Variants in MRPS23 observed in about 807,000 individuals in gnomAD.
MRPS23 encodes mitochondrial ribosomal protein S23.
A neutral mutation model predicts 19.8 loss-of-function variants in MRPS23; 14 were observed. The ratio of observed to expected loss-of-function variants is 0.71; its 90% CI spans 0.47 to 1.11. The LOEUF is 1.11. MRPS23 is among the 50% of genes least tolerant of loss of function. The pLI is 0.00. For synonymous variants in MRPS23, 113 were observed against 89.7 expected (o/e 1.26, Z -1.47); for missense variants, 242 against 236.7 (o/e 1.02, Z -0.15).
intron 1 of MRPS23, 39 bp downstream of exon 1, chr17:57,849,928 G>A: frequency 6.4e-7 from 1 of 1,574,024 alleles, no homozygotes; most frequent in Non-Finnish European, 8.6e-7. Context: ...CCCAGCCTGG[G>A]GGAGGCACCC....
At chr17:57,845,182 G>A (rs2073764811) in intron 2 of MRPS23, among the ~76,000 whole-genome samples, 1 of 152,212 alleles carries the variant, frequency 6.6e-6, no homozygotes, top group South Asian at 2.1e-4. Flanking sequence ...ACATGTGAGA[G>A]CAAAGCACAA....
Position 57,849,208 on chromosome 17 carries a change from G to A in MRPS23, c.215+32C>T, listed in dbSNP as rs372380721. On this transcript the variant is annotated intron_variant, in intron 2 of 4. Coordinates refer to ENST00000313608, the MANE Select transcript of MRPS23 (RefSeq NM_016070.4). ...AAACCTTCCCTTCTGAAGTTCTGTT[G>A]CCTCCTGTCCACTACAGGGCTGAGC... 1.9e-6 allele frequency: 3 copies of A among 1,595,360 alleles called. No homozygotes were observed. In the African/African-American group the frequency reaches 4.0e-5, roughly 22 times the overall value.
At chr17:57,840,004 A>G in intron 4 of MRPS23, 69 bp from the exon 5 acceptor site, 4 of 1,565,484 alleles carry the variant, frequency 2.6e-6, no homozygotes, top group Non-Finnish European at 3.5e-6. Context: ...CTAAAGATAT[A>G]TAACTAGGCA....
Position 57,850,030 on chromosome 17 carries a change from G to A in MRPS23, c.-20C>T. 1 of 1,587,442 alleles carries A rather than the reference G, an allele frequency of 6.3e-7. No homozygotes were observed. Among genetic ancestry groups the A allele is most frequent in the Non-Finnish European group, 8.5e-7 (1 of 1,171,838 alleles). Reference sequence around the variant, plus strand: ...TGCCATGATCTGCGCCTGGTACCGAGCGTGACTAGCTGCTACCGGAACCGG... The same window carrying A: ...TGCCATGATCTGCGCCTGGTACCGAACGTGACTAGCTGCTACCGGAACCGG... On this transcript the variant is annotated 5_prime_UTR_variant, in exon 1 of 5. Coordinates refer to ENST00000313608, the MANE Select transcript of MRPS23 (RefSeq NM_016070.4).
intron 2 of MRPS23, among the ~76,000 whole-genome samples, chr17:57,843,926 C>T (rs975653794): frequency 2.0e-5 from 3 of 152,048 alleles, no homozygotes; most frequent in Non-Finnish European, 2.9e-5. Flanking sequence ...GCTTACAGTA[C>T]TTTTTTATAC....
chr17:57,840,863 T>A (rs986633819), intron 4 of MRPS23, 63 bp downstream of exon 4: 2 of 1,584,422 alleles, frequency 1.3e-6, no homozygotes, highest in Non-Finnish European at 1.7e-6. Flanking sequence ...CTAGCACCAA[T>A]CCCCTGTGCA....
intron 2 of MRPS23, among the ~76,000 whole-genome samples, chr17:57,841,726 T>A (rs946610585): frequency 1.3e-5 from 2 of 152,204 alleles, no homozygotes; most frequent in African/African-American, 4.8e-5. Context: ...TTTGGGAGGC[T>A]GAGGCAGGCA....
chr17:57,847,559 G>A (rs1275038437), intron 2 of MRPS23, among the ~76,000 whole-genome samples: 1 of 150,866 alleles, frequency 6.6e-6, no homozygotes, highest in African/African-American at 2.4e-5. Context: ...CTACTCAGGA[G>A]GCTGAGGCAG....
rs1242632789 is a variant in MRPS23, at chr17:57,835,067, T to C, written c.*4716A>G. ...GATGATGGAAGACATGGGACGTGAATTTCTTTTGCTGGCTTTCTCATTCCT... is the reference window on the plus strand; with the variant it reads ...GATGATGGAAGACATGGGACGTGAACTTCTTTTGCTGGCTTTCTCATTCCT... On this transcript the variant is annotated 3_prime_UTR_variant, in exon 5 of 5. Coordinates refer to ENST00000313608, the MANE Select transcript of MRPS23 (RefSeq NM_016070.4). The C allele has an allele frequency of 6.6e-6, 1 of 152,176 alleles. No homozygotes were observed. Among genetic ancestry groups the C allele is most frequent in the African/African-American group, 2.4e-5 (1 of 41,416 alleles). The allele number at this position is 152,176 out of a possible 1,614,324, so 9.4% of individuals were successfully genotyped here. A position where few individuals can be genotyped will look rare whatever the true frequency, so the allele number is the denominator to read the frequency against.
At chr17:57,841,106 C>T in intron 3 of MRPS23, 54 bp from the exon 4 acceptor site, 1 of 1,611,358 alleles carries the variant, frequency 6.2e-7, no homozygotes, top group Non-Finnish European at 8.5e-7. Flanking sequence ...TGTTAAGACG[C>T]TGTTACACAA....
rs2073713501 is a variant in MRPS23, at chr17:57,837,685, C to G, written c.*2098G>C. On this transcript the variant is annotated 3_prime_UTR_variant, in exon 5 of 5. Transcript: ENST00000313608. ...AAATAACTTCTTTAAAAGTCTTCAG[C>G]CCCAGTACGGTCGCTCAGGCCTGTA... 2.6e-5 allele frequency: 4 copies of G among 152,114 alleles called. No homozygotes were observed. The highest frequency in any genetic ancestry group is 9.7e-5 in the African/African-American group (4 of 41,408). 9.4% of individuals were successfully genotyped at this position (152,114 alleles called of 1,614,324 possible).
Position 57,849,235 on chromosome 17 carries a change from C to G in MRPS23, c.215+5G>C. The stretch of plus-strand genomic sequence containing the variant: ...CTCCTGTCCACTACAGGGCTGAGCA[C>G]TCACGCTCTAATCCGATCCTCGTGG... On this transcript the variant is annotated splice_donor_5th_base_variant and intron_variant, in intron 2 of 4. Coordinates refer to ENST00000313608, the MANE Select transcript of MRPS23 (RefSeq NM_016070.4). 1 of 1,614,086 alleles carries G rather than the reference C, an allele frequency of 6.2e-7. No individual in the cohort carries two copies. Among genetic ancestry groups the G allele is most frequent in the South Asian group, 1.1e-5 (1 of 91,058 alleles).
At position 57,835,440 on chromosome 17, in the gene MRPS23, A is replaced by G. The variant is rs928491962; in HGVS notation, c.*4343T>C. 17 of 152,016 alleles carry G rather than the reference A, an allele frequency of 1.1e-4. No homozygotes were observed. Among genetic ancestry groups the G allele is most frequent in the African/African-American group, 3.9e-4 (16 of 41,328 alleles). The allele number at this position is 152,016 out of a possible 1,614,324, so 9.4% of individuals were successfully genotyped here. A position where few individuals can be genotyped will look rare whatever the true frequency, so the allele number is the denominator to read the frequency against. Reference sequence around the variant, plus strand: ...CCTTCCCTGCCCACTCCTCCATCCCATTCTTTACATCACTCCTAGGCAAAC... The same window carrying G: ...CCTTCCCTGCCCACTCCTCCATCCCGTTCTTTACATCACTCCTAGGCAAAC... On this transcript the variant is annotated 3_prime_UTR_variant, in exon 5 of 5. Transcript: ENST00000313608.
Position 57,841,279 on chromosome 17 carries a change from A to T in MRPS23, c.216-19T>A, listed in dbSNP as rs1568015248. The T allele has an allele frequency of 6.9e-6, 11 of 1,605,444 alleles. No individual in the cohort carries two copies. The highest frequency in any genetic ancestry group is 9.4e-6 in the Non-Finnish European group (11 of 1,173,752). ...AAACTTCCTAGAAAATGCAAACAAC[A>T]TAATATAAATCTCCGATTATAGACT... is the stretch of plus-strand genomic sequence containing the variant. On this transcript the variant is annotated intron_variant, in intron 2 of 4. Transcript: ENST00000313608.
At position 57,849,247 on chromosome 17, in the gene MRPS23, T is replaced by A; in HGVS notation, c.208A>T (p.Ile70Phe). ...IQDIWYHEDR[I>F]RAKFYSVYGS... The stretch of plus-strand genomic sequence containing the variant: ...ACAGGGCTGAGCACTCACGCTCTAA[T>A]CCGATCCTCGTGGTACCAGATGTCT... Residue 70 changes from isoleucine to phenylalanine, a missense_variant, in exon 2 of 5, where the codon ATT (isoleucine) becomes TTT (phenylalanine). Coordinates refer to ENST00000313608, the MANE Select transcript of MRPS23 (RefSeq NM_016070.4). The A allele has an allele frequency of 6.2e-7, 1 of 1,614,228 alleles. No individual in the cohort carries two copies. The highest frequency in any genetic ancestry group is 8.5e-7 in the Non-Finnish European group (1 of 1,180,030).
At position 57,836,923 on chromosome 17, in the gene MRPS23, C is replaced by T. The variant is rs2073709710; in HGVS notation, c.*2860G>A. 3.3e-5 allele frequency: 5 copies of T among 152,214 alleles called. No homozygotes were observed. Among genetic ancestry groups the T allele is most frequent in the Admixed American group, 2.6e-4 (4 of 15,278 alleles). The allele number at this position is 152,214 out of a possible 1,614,324, so 9.4% of individuals were successfully genotyped here. On this transcript the variant is annotated 3_prime_UTR_variant, in exon 5 of 5. Transcript: ENST00000313608. ...CGAACTCCTGACCTCAGGTGATCCGCCCACCTTGGCCTCCCAAAGTGCTGG... is the reference window on the plus strand; with the variant it reads ...CGAACTCCTGACCTCAGGTGATCCGTCCACCTTGGCCTCCCAAAGTGCTGG...
At chr17:57,847,292 C>CAA (rs754912035) in intron 2 of MRPS23, among the ~76,000 whole-genome samples, 8 of 85,026 alleles carry the variant, frequency 9.4e-5, no homozygotes, top group Non-Finnish European at 1.7e-4. Context: ...GACTCCATCT[C>CAA]AAAAAAAAAA....
intron 2 of MRPS23, among the ~76,000 whole-genome samples, chr17:57,842,801 T>C (rs1200736419): frequency 6.7e-6 from 1 of 150,338 alleles, no homozygotes; most frequent in Admixed American, 6.7e-5. Context: ...GGCATGAGGA[T>C]CTTTTGAGGC....
chr17:57,847,712 T>C lies in MRPS23; in HGVS notation c.215+1528A>G, dbSNP rs142163856. On this transcript the variant is annotated intron_variant, in intron 2 of 4. Transcript: ENST00000313608. ...GAAAAAAACAAAACTTTTTTTTTTT[T>C]TGGAGACAGGGTCTCCCTCTGTTGC... Among the ~76,000 whole-genome samples the C allele has an allele frequency of 5.9e-3, 892 of 151,708 alleles. 6 individuals carry two copies. Among genetic ancestry groups the C allele is most frequent in the Non-Finnish European group, 8.2e-3 (555 of 67,884 alleles).
Sources: gnomAD v4.1 joint callset for allele counts (sites outside exome capture counted in the v4.1 genomes callset) on GRCh38, gnomAD v4.1.1 for gene constraint, MANE v1.5 for transcripts, NCBI Gene and HGNC (gene_info 2026-07-23, HGNC 2026-07-21) for gene names.